The following CNNM2 variants were observed in gnomAD, a reference collection of about 807,000 sequenced individuals.
The protein encoded by CNNM2 is metal transporter CNNM2.
Under a neutral mutation model 66.9 loss-of-function variants are expected in CNNM2, and 12 were observed. The ratio of observed to expected loss-of-function variants is 0.18; its 90% CI spans 0.11 to 0.29. The LOEUF (loss-of-function observed/expected upper bound fraction) is 0.29. Ranked by LOEUF, CNNM2 falls within the 10% of genes least tolerant of loss-of-function variation. The pLI is 1.00. For synonymous variants in CNNM2, 557 were observed against 501.8 expected, an observed-to-expected ratio of 1.11 and a Z score of -1.47; for missense variants, 705 against 1,167.7, an observed-to-expected ratio of 0.60 and a Z score of 5.77.
rs1164012251 is a variant in CNNM2, at chr10:103,004,947, C to G, written c.1622-44760C>G. ...GTGTTTCAACATCCAAATTCCTGAA[C>G]ATGGCTTATAGCCCTCCATTATTGA... On this transcript the variant is annotated intron_variant, in intron 1 of 7. Transcript: ENST00000369878. Among the ~76,000 whole-genome samples the G allele has an allele frequency of 2.0e-5, 3 of 152,184 alleles. No individual in the cohort carries two copies. In the East Asian group the frequency reaches 5.8e-4, roughly 29 times the overall value.
At chr10:103,075,957 C>A (rs933588357) in intron 6 of CNNM2, 129 bp from the exon 7 acceptor site, 11 of 843,002 alleles carry the variant, frequency 1.3e-5, no homozygotes, top group Non-Finnish European at 2.0e-5. Flanking sequence ...GCATACTGTG[C>A]GGCCGAGACA....
intron 1 of CNNM2, among the ~76,000 whole-genome samples, chr10:103,029,450 C>T (rs1343686781): frequency 6.6e-6 from 1 of 151,862 alleles, no homozygotes. Context: ...GGTGACAGAG[C>T]AAAACTCCGT....
intron 5 of CNNM2, among the ~76,000 whole-genome samples, chr10:103,070,317 G>A (rs1007723790): frequency 3.3e-5 from 5 of 152,226 alleles, no homozygotes; most frequent in African/African-American, 7.2e-5. Flanking sequence ...GTCGTGTGGT[G>A]TTGAGCGAGG....
chr10:102,987,365 G>T (rs989618013), intron 1 of CNNM2, among the ~76,000 whole-genome samples: 5 of 152,122 alleles, frequency 3.3e-5, no homozygotes, highest in Non-Finnish European at 5.9e-5. Flanking sequence ...CTGTCACCCA[G>T]ACTGGAGTGC....
intron 1 of CNNM2, among the ~76,000 whole-genome samples, chr10:102,922,486 C>G (rs575425980): frequency 1.4e-3 from 220 of 152,244 alleles, no homozygotes; most frequent in Non-Finnish European, 2.5e-3. Flanking sequence ...TTTTTCTCTA[C>G]TGAATAACGG....
intron 1 of CNNM2, among the ~76,000 whole-genome samples, chr10:103,006,026 AATCATGAC>A (rs2064219540): frequency 3.3e-5 from 5 of 152,134 alleles, no homozygotes; most frequent in African/African-American, 1.2e-4. Flanking sequence ...GTCATATGCA[AATCATGAC>A]AGTTTAATAT....
In CNNM2 at chr10:102,993,969, C is replaced by T. The variant is rs112240253; in HGVS notation, c.1622-55738C>T. On this transcript the variant is annotated intron_variant, in intron 1 of 7. Transcript: ENST00000369878. Reference sequence around the variant, plus strand: ...TGTGTGTGAGTGTGACAGAGTCTTACTCTGTCACCCAGGCTGGAGTACAGT... The same window carrying T: ...TGTGTGTGAGTGTGACAGAGTCTTATTCTGTCACCCAGGCTGGAGTACAGT... Among the ~76,000 whole-genome samples the T allele has an allele frequency of 0.077, 11,660 of 152,138 alleles. 532 individuals are homozygous for T. Among genetic ancestry groups the T allele is most frequent in the Middle Eastern group, 0.17 (49 of 294 alleles).
intron 1 of CNNM2, among the ~76,000 whole-genome samples, chr10:102,947,576 C>T (rs545003059): frequency 1.3e-5 from 2 of 151,692 alleles, no homozygotes; most frequent in Admixed American, 1.3e-4. Context: ...AATGGTGAAA[C>T]CCTGTCTCTA....
chr10:103,076,298 G>A lies in CNNM2; in HGVS notation c.2418+28G>A, dbSNP rs778188055. 8.4e-6 allele frequency: 13 copies of A among 1,548,706 alleles called. No individual in the cohort carries two copies. The South Asian group carries it at 1.5e-4, about 18-fold the overall frequency. On this transcript the variant is annotated intron_variant, in intron 7 of 7. Transcript: ENST00000369878. ...GAGAGACGTGAGTGCAGTGTGGCTG[G>A]ACCTGGCAGTTAGTTGTCAACTTCC...
chr10:102,924,787 G>C (rs78821730), intron 1 of CNNM2, among the ~76,000 whole-genome samples: 1 of 151,900 alleles, frequency 6.6e-6, no homozygotes, highest in Non-Finnish European at 1.5e-5. Flanking sequence ...GTTTTTATTA[G>C]TGTTTAAAGG....
chr10:102,990,256 G>A (rs1005975149), intron 1 of CNNM2, among the ~76,000 whole-genome samples: 5 of 152,062 alleles, frequency 3.3e-5, no homozygotes, highest in African/African-American at 1.2e-4. Context: ...GTGAGCCACC[G>A]CGCCCGGTTT....
chr10:103,000,250 T>C (rs376708996), intron 1 of CNNM2, among the ~76,000 whole-genome samples: 117 of 74,254 alleles, frequency 1.6e-3, no homozygotes, highest in East Asian at 4.3e-3. Context: ...AACAAATAAA[T>C]AAATAAATAA....
intron 1 of CNNM2, among the ~76,000 whole-genome samples, chr10:102,931,000 G>C (rs1846045074): frequency 6.6e-6 from 1 of 152,128 alleles, no homozygotes; most frequent in African/African-American, 2.4e-5. Context: ...TATGAACATT[G>C]GTGTGCATGT....
chr10:103,069,772 G>T (rs980677537), intron 5 of CNNM2, among the ~76,000 whole-genome samples: 5 of 152,238 alleles, frequency 3.3e-5, no homozygotes, highest in Admixed American at 2.6e-4. Context: ...AACAGGTCGG[G>T]CAGGTCGACA....
At chr10:103,003,985 ATTTTTT>A (rs869152743) in intron 1 of CNNM2, among the ~76,000 whole-genome samples, 2 of 83,966 alleles carry the variant, frequency 2.4e-5, no homozygotes, top group Non-Finnish European at 4.5e-5. Flanking sequence ...CATTGCATGA[ATTTTTT>A]TTTTTTTTTT....
chr10:103,069,131 C>A (rs1454703033), intron 5 of CNNM2, among the ~76,000 whole-genome samples: 1 of 152,170 alleles, frequency 6.6e-6, no homozygotes, highest in Non-Finnish European at 1.5e-5. Flanking sequence ...TGTCACATCA[C>A]CTCTGTTGCT....
intron 1 of CNNM2, among the ~76,000 whole-genome samples, chr10:102,930,003 T>G (rs982886661): frequency 5.9e-5 from 9 of 152,212 alleles, no homozygotes; most frequent in Non-Finnish European, 8.8e-5. Flanking sequence ...ATAAAAATGA[T>G]TTAGTATTTT....
intron 1 of CNNM2, among the ~76,000 whole-genome samples, chr10:102,930,666 A>G (rs558110622): frequency 1.3e-5 from 2 of 152,328 alleles, no homozygotes; most frequent in African/African-American, 4.8e-5. Context: ...GAACATTTTC[A>G]TCACCCCGAA....
At chr10:102,959,928 T>C (rs935280958) in intron 1 of CNNM2, among the ~76,000 whole-genome samples, 2 of 151,916 alleles carry the variant, frequency 1.3e-5, no homozygotes, top group Admixed American at 1.3e-4. Flanking sequence ...GGCAGGCACC[T>C]GTAGTCCCAG....
Sources: gnomAD v4.1 joint callset for allele counts (sites outside exome capture counted in the v4.1 genomes callset) on GRCh38, gnomAD v4.1.1 for gene constraint, MANE v1.5 for transcripts, NCBI Gene and HGNC (gene_info 2026-07-23, HGNC 2026-07-21) for gene names.